Variants in NGEF observed in about 807,000 individuals in gnomAD.
The protein encoded by NGEF is ephexin-1.
A neutral mutation model predicts 80.9 loss-of-function variants in NGEF; 31 were observed. The ratio of observed to expected loss-of-function variants is 0.38; its 90% CI spans 0.29 to 0.52. NGEF has a LOEUF of 0.52. Among genes scored for constraint, NGEF ranks in the 20% least tolerant of loss-of-function variants. The probability of loss-of-function intolerance (pLI) is 0.84; values close to 1 mark genes in which losing one functional copy is unlikely to be tolerated. For missense variants in NGEF, 709 were observed against 926.2 expected (o/e 0.77, Z 3.04); for synonymous variants, 371 against 370.2 (o/e 1.00, Z -0.03).
intron 3 of NGEF, among the ~76,000 whole-genome samples, chr2:232,958,352 G>A (rs1693874978): frequency 6.6e-6 from 1 of 152,190 alleles, no homozygotes; most frequent in Non-Finnish European, 1.5e-5. Flanking sequence ...CTCTTTGCAA[G>A]AGCCTTGGTC....
At chr2:232,928,651 A>C (rs1291372557) in intron 3 of NGEF, among the ~76,000 whole-genome samples, 2 of 152,004 alleles carry the variant, frequency 1.3e-5, no homozygotes, top group Non-Finnish European at 2.9e-5. Flanking sequence ...GCTCCTTGCA[A>C]GCCCGCTCCT....
chr2:232,914,972 G>A (rs777522743), intron 5 of NGEF, among the ~76,000 whole-genome samples: 9 of 150,438 alleles, frequency 6.0e-5, no homozygotes, highest in Non-Finnish European at 1.2e-4. Flanking sequence ...AGCCGAGATT[G>A]TGCCACTGCT....
Position 232,914,909 on chromosome 2 carries a change from C to G in NGEF, c.828+5375G>C, listed in dbSNP as rs146024288. Among the ~76,000 whole-genome samples the G allele has an allele frequency of 2.0e-5, 3 of 147,206 alleles. No homozygotes were observed. In the South Asian group the frequency reaches 6.5e-4, roughly 32 times the overall value. On this transcript the variant is annotated intron_variant, in intron 5 of 14. Coordinates refer to ENST00000264051, the MANE Select transcript of NGEF (RefSeq NM_019850.3). ...GTGCACGCCTGTAATCCCAGCTACT[C>G]GGGAGGCTGAGGCCGAAGAATCGCT...
Position 232,925,868 on chromosome 2 carries a change from GCCACCACCA to G in NGEF, c.526+1167_526+1175del, listed in dbSNP as rs929592432. Among the ~76,000 whole-genome samples, 5 of 152,132 alleles carry G rather than the reference GCCACCACCA, an allele frequency of 3.3e-5. No homozygotes were observed. In the South Asian group the frequency reaches 1.0e-3, roughly 32 times the overall value. ...ATTCCCTCAGCAAACAAAGGGAAAA[GCCACCACCA>G]CCACCACCACCCAGCCTGACACGTG... On this transcript the variant is annotated intron_variant, in intron 4 of 14. Coordinates refer to ENST00000264051, the MANE Select transcript of NGEF (RefSeq NM_019850.3).
At chr2:232,900,478 GCT>G (rs1159533587) in intron 5 of NGEF, among the ~76,000 whole-genome samples, 1 of 80,630 alleles carries the variant, frequency 1.2e-5, no homozygotes, top group African/African-American at 5.2e-5. Context: ...TCACACACAC[GCT>G]CTCACAGTCA....
chr2:232,881,309 C>G (rs921007759), intron 13 of NGEF, 59 bp from the exon 14 acceptor site: 1 of 1,366,456 alleles, frequency 7.3e-7, no homozygotes, highest in African/African-American at 1.4e-5. Flanking sequence ...TGCACACTCC[C>G]ACCAAGCCCG....
chr2:232,946,832 A>G (rs1430229155), intron 3 of NGEF, among the ~76,000 whole-genome samples: 1 of 152,240 alleles, frequency 6.6e-6, no homozygotes, highest in Non-Finnish European at 1.5e-5. Flanking sequence ...TTTGAGCCTC[A>G]GAAGGAATAT....
intron 1 of NGEF, among the ~76,000 whole-genome samples, chr2:232,985,483 T>C (rs1374082953): frequency 6.6e-6 from 1 of 152,150 alleles, no homozygotes; most frequent in Non-Finnish European, 1.5e-5. Context: ...CCAGGCGCAG[T>C]GGCTCACACC....
At chr2:232,943,588 C>G (rs55920964) in intron 3 of NGEF, among the ~76,000 whole-genome samples, 1 of 151,488 alleles carries the variant, frequency 6.6e-6, no homozygotes, top group African/African-American at 2.4e-5. Context: ...CTCCGCCTCC[C>G]GGGTTCACGC....
At chr2:232,998,559 T>C (rs868249801) in intron 1 of NGEF, among the ~76,000 whole-genome samples, 19 of 152,014 alleles carry the variant, frequency 1.2e-4, no homozygotes, top group African/African-American at 4.1e-4. Context: ...GCTCATGCCA[T>C]AGGGGGGCTA....
intron 3 of NGEF, among the ~76,000 whole-genome samples, chr2:232,950,438 TG>T (rs1340919645): frequency 6.6e-6 from 1 of 152,186 alleles, no homozygotes; most frequent in Non-Finnish European, 1.5e-5. Context: ...AGTGTGGCAG[TG>T]GGACCCCCCA....
intron 1 of NGEF, among the ~76,000 whole-genome samples, chr2:233,004,376 C>T (rs1201508666): frequency 6.6e-6 from 1 of 152,204 alleles, no homozygotes; most frequent in African/African-American, 2.4e-5. Context: ...GCAGCCCTCT[C>T]ATGGCCTCCT....
At chr2:232,998,887 A>G (rs942658083) in intron 1 of NGEF, among the ~76,000 whole-genome samples, 4 of 152,118 alleles carry the variant, frequency 2.6e-5, no homozygotes, top group African/African-American at 9.7e-5. Flanking sequence ...GATGTTGCAT[A>G]TCTAGTTCAT....
intron 5 of NGEF, among the ~76,000 whole-genome samples, chr2:232,899,941 CTT>C (rs1692243245): frequency 4.8e-5 from 7 of 145,250 alleles, no homozygotes; most frequent in East Asian, 4.2e-4. Flanking sequence ...CTCACATTCA[CTT>C]ACACACATGC....
intron 1 of NGEF, among the ~76,000 whole-genome samples, chr2:232,975,622 G>GA (rs1286734424): frequency 1.3e-5 from 2 of 152,132 alleles, no homozygotes; most frequent in Non-Finnish European, 2.9e-5. Context: ...CTTTTCATAG[G>GA]AAAAGGGGGA....
At chr2:232,994,646 T>A (rs1434343337) in intron 1 of NGEF, among the ~76,000 whole-genome samples, 1 of 152,088 alleles carries the variant, frequency 6.6e-6, no homozygotes, top group Non-Finnish European at 1.5e-5. Context: ...GTCATCCCCG[T>A]TCGGCCCTTC....
At chr2:232,902,060 G>C (rs1446727725) in intron 5 of NGEF, among the ~76,000 whole-genome samples, 1 of 152,112 alleles carries the variant, frequency 6.6e-6, no homozygotes, top group Middle Eastern at 3.2e-3. Context: ...AGAGCCAGGG[G>C]CGCAGGGCGC....
At chr2:232,993,335 G>C (rs1296662622) in intron 1 of NGEF, among the ~76,000 whole-genome samples, 2 of 150,542 alleles carry the variant, frequency 1.3e-5, no homozygotes, top group East Asian at 1.9e-4. Context: ...AACATCATTA[G>C]CCATCAGAAA....
At chr2:232,887,193 CTGGCTCAA>C in intron 9 of NGEF, among the ~76,000 whole-genome samples, 1 of 152,360 alleles carries the variant, frequency 6.6e-6, no homozygotes. Context: ...GACGGCGTCA[CTGGCTCAA>C]TGGAGGTGCC....
Sources: gnomAD v4.1 joint callset for allele counts (sites outside exome capture counted in the v4.1 genomes callset) on GRCh38, gnomAD v4.1.1 for gene constraint, MANE v1.5 for transcripts, NCBI Gene and HGNC (gene_info 2026-07-23, HGNC 2026-07-21) for gene names.